Variants in HLA-DQA1 observed in about 807,000 individuals in gnomAD.
The protein encoded by HLA-DQA1 is HLA class II histocompatibility antigen, DQ alpha 1 chain.
A neutral mutation model predicts 20.7 loss-of-function variants in HLA-DQA1; 10 were observed. The observed-to-expected ratio is 0.48, with a 90% CI of 0.30 to 0.82. The LOEUF (loss-of-function observed/expected upper bound fraction) is 0.82, where lower values mean the gene tolerates loss of function less well. Ranked by LOEUF, HLA-DQA1 falls within the 40% of genes least tolerant of loss-of-function variation. The probability of loss-of-function intolerance (pLI) is 0.07; values close to 1 mark genes in which losing one functional copy is unlikely to be tolerated. For synonymous variants in HLA-DQA1, 39 were observed against 109.2 expected, an observed-to-expected ratio of 0.36 and a Z score of 4.01; for missense variants, 127 against 293.0, an observed-to-expected ratio of 0.43 and a Z score of 4.14.
chr6:32,647,046 TA>T (rs1781983189), downstream of HLA-DQA1: 1 of 151,932 alleles, frequency 6.6e-6, no homozygotes, highest in Non-Finnish European at 1.5e-5. Flanking sequence ...ATTTTCATAA[TA>T]AAATAATTAT....
the HLA-DQA1 span, among the ~76,000 whole-genome samples, chr6:32,652,795 G>A: frequency 0.71 from 105,720 of 148,414 alleles, 38,596 homozygotes; most frequent in Middle Eastern, 0.82. Context: ...TAAGGAAGAA[G>A]TCACAAAGAT....
chr6:32,654,212 G>A, the HLA-DQA1 span, among the ~76,000 whole-genome samples: 9 of 101,284 alleles, frequency 8.9e-5, 4 homozygotes, highest in Non-Finnish European at 2.0e-4. Context: ...ATTGAGGTGG[G>A]AGGATGGACT....
chr6:32,642,916 C>G (rs9272846), intron 4 of HLA-DQA1, 36 bp from the exon 5 acceptor site: 1 of 635,506 alleles, frequency 1.6e-6, no homozygotes, highest in South Asian at 1.7e-5. Context: ...CAGGAGCCCC[C>G]TCGGACCCAT....
chr6:32,651,964 G>A (rs1782202653), downstream of HLA-DQA1, among the ~76,000 whole-genome samples: 1 of 96,490 alleles, frequency 1.0e-5, no homozygotes, highest in South Asian at 3.1e-4. Flanking sequence ...GAAAGGCCTT[G>A]AAGTTCTAAT....
At chr6:32,650,113 T>C (rs143513497), downstream of HLA-DQA1, among the ~76,000 whole-genome samples, 11,368 of 62,396 alleles carry the variant, frequency 0.18, 4,140 homozygotes, top group African/African-American at 0.22. Context: ...TCATCACTGG[T>C]CACCAGAGAA....
intron 1 of HLA-DQA1, chr6:32,639,254 G>T (rs28383367): frequency 0.32 from 39,805 of 126,010 alleles, 11,174 homozygotes; most frequent in Admixed American, 0.42. Context: ...TTTAAAATTA[G>T]AAAAATAATG....
the HLA-DQA1 span, among the ~76,000 whole-genome samples, chr6:32,653,412 T>C: frequency 5.5e-4 from 52 of 94,100 alleles, 21 homozygotes; most frequent in East Asian, 3.8e-3. Flanking sequence ...TACAGGTGTG[T>C]GCCACCACAC....
chr6:32,650,606 A>T (rs1421752657), downstream of HLA-DQA1, among the ~76,000 whole-genome samples: 4 of 93,240 alleles, frequency 4.3e-5, 1 homozygote, highest in African/African-American at 1.5e-4. Context: ...AAGGACAGAA[A>T]ACCAAACACC....
At chr6:32,638,265 G>A (rs9272490) in intron 1 of HLA-DQA1, among the ~76,000 whole-genome samples, 1,721 of 98,140 alleles carry the variant, frequency 0.018, 22 homozygotes, top group Middle Eastern at 0.025. Flanking sequence ...CAAAATAAGG[G>A]ATCATTTTAT....
intron 2 of HLA-DQA1, 52 bp from the exon 3 acceptor site, chr6:32,641,920 C>G (rs9272738): frequency 0.13 from 110,006 of 850,356 alleles, 30,366 homozygotes; most frequent in Middle Eastern, 0.23. Context: ...TAATGCAGAA[C>G]TTCAGGGCAG....
chr6:32,648,107 G>A (rs1413367889), downstream of HLA-DQA1, among the ~76,000 whole-genome samples: 3 of 118,070 alleles, frequency 2.5e-5, no homozygotes, highest in Admixed American at 1.9e-4. Flanking sequence ...GATAAAATAA[G>A]ATGGTATACA....
At chr6:32,641,662 T>G in intron 2 of HLA-DQA1, 104 bp downstream of exon 2, 1 of 664,114 alleles carries the variant, frequency 1.5e-6, no homozygotes, top group Non-Finnish European at 2.4e-6. Context: ...TGGCAATTGC[T>G]GAAATTTTAT....
At chr6:32,652,087 T>G in the HLA-DQA1 span, among the ~76,000 whole-genome samples, 5 of 93,720 alleles carry the variant, frequency 5.3e-5, 1 homozygote, top group Non-Finnish European at 9.4e-5. Flanking sequence ...GCTCAGGAGA[T>G]CGAGACCATG....
chr6:32,648,297 T>A (rs62404124), downstream of HLA-DQA1, among the ~76,000 whole-genome samples: 15,310 of 74,014 alleles, frequency 0.21, 5,800 homozygotes, highest in South Asian at 0.5. Flanking sequence ...AACATCACCC[T>A]GATACCAAAG....
In HLA-DQA1 at chr6:32,642,514, G is replaced by A; in HGVS notation, c.614-96G>A. On this transcript the variant is annotated intron_variant, in intron 3 of 4. Coordinates refer to ENST00000343139, the MANE Select transcript of HLA-DQA1 (RefSeq NM_002122.5). ...CTCTTCTCCCTAAGCCTGGGGCCTT[G>A]AGTCTTTGCAGAGCCAACCCTCTAC... 3.9e-6 allele frequency: 4 copies of A among 1,036,846 alleles called. No individual in the cohort carries two copies. The East Asian group carries it at 7.5e-5, about 20-fold the overall frequency. 64.2% of individuals were successfully genotyped at this position (1,036,846 alleles called of 1,614,324 possible).
intron 1 of HLA-DQA1, chr6:32,639,254 G>C (rs28383367): frequency 7.8e-6 from 1 of 127,818 alleles, no homozygotes; most frequent in Non-Finnish European, 1.7e-5. Flanking sequence ...TTTAAAATTA[G>C]AAAAATAATG....
the HLA-DQA1 span, among the ~76,000 whole-genome samples, chr6:32,653,513 C>T: frequency 1.1e-5 from 1 of 94,892 alleles, no homozygotes; most frequent in African/African-American, 3.6e-5. Flanking sequence ...CCACCCACCT[C>T]GGCCTCCCAC....
At position 32,641,449 on chromosome 6, in the gene HLA-DQA1, C is replaced by T. The variant is rs1223439617; in HGVS notation, c.222C>T (p.Phe74=). The stretch of plus-strand genomic sequence containing the variant: ...AGACTGCCTGGCGGTGGCCTGAGTT[C>T]AGCAAATTTGGAGGTTTTGACCCGC... ...RKETAWRWPE[F]SKFGGFDPQG... is the part of the protein sequence containing the mutation. Residue 74 remains phenylalanine, a synonymous_variant, in exon 2 of 5, where the codon TTC becomes TTT. Transcript: ENST00000343139. 1.8e-5 allele frequency: 19 copies of T among 1,041,552 alleles called. 4 individuals are homozygous for T. In the Admixed American group the frequency reaches 5.1e-4, roughly 28 times the overall value. The allele number at this position is 1,041,552 out of a possible 1,614,324, so 64.5% of individuals were successfully genotyped here. A position where few individuals can be genotyped will look rare whatever the true frequency, so the allele number is the denominator to read the frequency against.
At chr6:32,647,639 C>A (rs1475906357), downstream of HLA-DQA1, among the ~76,000 whole-genome samples, 1 of 152,158 alleles carries the variant, frequency 6.6e-6, no homozygotes, top group Non-Finnish European at 1.5e-5. Context: ...ATTTTTATCA[C>A]AGTTAGGAAA....
Sources: gnomAD v4.1 joint callset for allele counts (sites outside exome capture counted in the v4.1 genomes callset) on GRCh38, gnomAD v4.1.1 for gene constraint, MANE v1.5 for transcripts, NCBI Gene and HGNC (gene_info 2026-07-23, HGNC 2026-07-21) for gene names.